The following EN1 variants were observed in gnomAD, a reference collection of about 807,000 sequenced individuals.
EN1 encodes homeobox protein engrailed-1.
EN1 carries 8 observed loss-of-function variants against 22.9 expected under a neutral mutation model. The observed-to-expected ratio is 0.35, with a 90% CI of 0.20 to 0.63. The LOEUF (loss-of-function observed/expected upper bound fraction) is 0.63. EN1 is among the 20% of genes least tolerant of loss of function. The probability of loss-of-function intolerance (pLI) is 0.73; values close to 1 mark genes in which losing one functional copy is unlikely to be tolerated. For synonymous variants in EN1, 287 were observed against 262.5 expected (o/e 1.09, Z -0.90); for missense variants, 521 against 572.1 (o/e 0.91, Z 0.91).
chr2:118,846,886 C>G lies in EN1; in HGVS notation c.282G>C (p.Gln94His), dbSNP rs1461691468. 3.5e-6 allele frequency: 5 copies of G among 1,419,390 alleles called. No individual in the cohort carries two copies. Among genetic ancestry groups the G allele is most frequent in the Non-Finnish European group, 4.7e-6 (5 of 1,072,302 alleles). 87.9% of individuals were successfully genotyped at this position (1,419,390 alleles called of 1,614,324 possible). A position where few individuals can be genotyped will look rare whatever the true frequency, so the allele number is the denominator to read the frequency against. ...TGGTGCGGTGCAGCTGGGCCGCTGG[C>G]TGCGGCTGGTGAGCAGGCGCCGCGA... ...QHLAAPAHQP[Q>H]PAAQLHRTTN... The change falls in exon 1 of 2, where the codon CAG becomes CAC. Residue 94 changes from glutamine (Q) to histidine (H), a missense_variant. Gln to His is a conservative substitution (Grantham distance 24). Transcript: ENST00000295206. This position sits in a 1 kb window ranked among gnomAD's most constrained non-coding sequence, Gnocchi z 5.0.
chr2:118,843,379 G>A (rs2104609646), intron 1 of EN1, 125 bp from the exon 2 acceptor site: 3 of 866,256 alleles, frequency 3.5e-6, no homozygotes, highest in Admixed American at 2.7e-5. Context: ...CCGCGCTTCC[G>A]GGGCGATCTC....
chr2:118,847,447 T>C lies in EN1; in HGVS notation c.-280A>G, dbSNP rs888137661. ...TTCTTTTTTCTTTCTGCAACCAGAT[T>C]CAATGATTTGATTTAAATGGGGAGT... On this transcript the variant is annotated 5_prime_UTR_variant, in exon 1 of 2. Transcript: ENST00000295206. 2.6e-5 allele frequency: 8 copies of C among 302,826 alleles called. No homozygotes were observed. The highest frequency in any genetic ancestry group is 4.8e-5 in the Non-Finnish European group (8 of 166,372). 18.8% of individuals were successfully genotyped at this position (302,826 alleles called of 1,614,324 possible). A position where few individuals can be genotyped will look rare whatever the true frequency, so the allele number is the denominator to read the frequency against.
In EN1 at chr2:118,842,933, G is replaced by A. The variant is rs1403463119; in HGVS notation, c.*5C>T. 2 of 1,599,066 alleles carry A rather than the reference G, an allele frequency of 1.3e-6. No homozygotes were observed. The highest frequency in any genetic ancestry group is 1.7e-6 in the Non-Finnish European group (2 of 1,168,872). On this transcript the variant is annotated 3_prime_UTR_variant, in exon 2 of 2. Transcript: ENST00000295206. ...GGGCGCGGGCGCGGCCCCGGCCTGTGGCGGCTACTCGCTCTCGTCTTTGTC... is the reference window on the plus strand; with the variant it reads ...GGGCGCGGGCGCGGCCCCGGCCTGTAGCGGCTACTCGCTCTCGTCTTTGTC...
At position 118,846,777 on chromosome 2, in the gene EN1, C is replaced by T; in HGVS notation, c.391G>A (p.Ala131Thr). 6.3e-7 allele frequency: 1 copy of T among 1,595,178 alleles called. No individual in the cohort carries two copies. The highest frequency in any genetic ancestry group is 8.5e-7 in the Non-Finnish European group (1 of 1,177,572). The change falls in exon 1 of 2, where the codon GCG (alanine) becomes ACG (threonine). Residue 131 changes from alanine (A) to threonine (T), a missense_variant. Physicochemically the swap from Ala to Thr is moderately conservative, Grantham distance 58. Around this residue, in one of 3 missense-constraint regions of EN1, gnomAD observed 436 missense variants for 410.1 expected, o/e 1.06. Coordinates refer to ENST00000295206, the MANE Select transcript of EN1 (RefSeq NM_001426.4). This position sits in a 1 kb window ranked among gnomAD's most constrained non-coding sequence, Gnocchi z 5.0. Reference sequence around the variant, plus strand: ...CCTCCTCCTGCGCCTCCTCTGGCCGCCGCAGCCACCAGAAGCTGCGGTGGC... The same window carrying T: ...CCTCCTCCTGCGCCTCCTCTGGCCGTCGCAGCCACCAGAAGCTGCGGTGGC... ...QPPPQLLVAAAARGGAGGGGR... is the reference protein window; with the variant it reads ...QPPPQLLVAATARGGAGGGGR...
At position 118,847,059 on chromosome 2, in the gene EN1, C is replaced by T. The variant is rs893734037; in HGVS notation, c.109G>A (p.Gly37Ser). The T allele has an allele frequency of 2.1e-6, 3 of 1,416,858 alleles. No homozygotes were observed. Among genetic ancestry groups the T allele is most frequent in the Non-Finnish European group, 2.8e-6 (3 of 1,087,550 alleles). The allele number at this position is 1,416,858 out of a possible 1,614,324, so 87.8% of individuals were successfully genotyped here. ...LSLSLSPGAS[G>S]SSGSGSDGDS... ...CCATCGCTGCCGCTGCCGCTGCTGCCGCTGGCGCCCGGACTGAGGCTCAGG... is the reference window on the plus strand; with the variant it reads ...CCATCGCTGCCGCTGCCGCTGCTGCTGCTGGCGCCCGGACTGAGGCTCAGG... Residue 37 changes from glycine to serine, a missense_variant, in exon 1 of 2, where the codon GGC (glycine) becomes AGC (serine). This residue lies in a region of EN1 where 436 missense variants were observed against 410.1 expected (regional missense o/e 1.06). Coordinates refer to ENST00000295206, the MANE Select transcript of EN1 (RefSeq NM_001426.4).
At position 118,846,595 on chromosome 2, in the gene EN1, G is replaced by T. The variant is rs1421506296; in HGVS notation, c.573C>A (p.Gly191=). The T allele has an allele frequency of 5.1e-6, 7 of 1,384,048 alleles. No individual in the cohort carries two copies. Among genetic ancestry groups the T allele is most frequent in the Non-Finnish European group, 5.6e-6 (6 of 1,073,106 alleles). 85.7% of individuals were successfully genotyped at this position (1,384,048 alleles called of 1,614,324 possible). ...CAGCCGGGTTCCCAGCTTTAGACGC[G>T]CCCGCGCCGGCGGCGGCTGGCTGGG... ...DGSQPAAAGA[G]ASKAGNPAAA... The change falls in exon 1 of 2, where the codon GGC becomes GGA. Residue 191 remains glycine (G), a synonymous_variant. Coordinates refer to ENST00000295206, the MANE Select transcript of EN1 (RefSeq NM_001426.4). The surrounding 1 kb of genome is among the most constrained non-coding windows in gnomAD (Gnocchi z 5.0).
intron 1 of EN1, among the ~76,000 whole-genome samples, chr2:118,845,523 G>T (rs1678256075): frequency 6.6e-6 from 1 of 152,224 alleles, no homozygotes; most frequent in African/African-American, 2.4e-5. Flanking sequence ...GCGCCGCGCG[G>T]GGAGGATGCG....
rs551554258 is a variant in EN1 at position 118,842,566 on chromosome 2, G to A, written c.*372C>T. The A allele has an allele frequency of 6.4e-6, 1 of 155,508 alleles. No homozygotes were observed. The highest frequency in any genetic ancestry group is 2.0e-4 in the South Asian group (1 of 4,976). The allele number at this position is 155,508 out of a possible 1,614,324, so 9.6% of individuals were successfully genotyped here. ...AATAATTATAACAATAATAATAAAG[G>A]AGATTAATAAAAATGTCCAGCAAAT... is the stretch of plus-strand genomic sequence containing the variant. On this transcript the variant is annotated 3_prime_UTR_variant, in exon 2 of 2. Transcript: ENST00000295206.
intron 1 of EN1, chr2:118,844,415 GC>G (rs1260058132): frequency 6.6e-6 from 1 of 152,226 alleles, no homozygotes; most frequent in Admixed American, 6.5e-5. Context: ...TGGGAGGAGG[GC>G]CCACTGAGAA....
intron 1 of EN1, 94 bp from the exon 2 acceptor site, chr2:118,843,348 T>G: frequency 2.7e-6 from 3 of 1,102,832 alleles, no homozygotes; most frequent in Non-Finnish European, 2.5e-6. Context: ...AGAATAGCAT[T>G]GCCGAGCTGG....
At position 118,842,965 on chromosome 2, in the gene EN1, C is replaced by A; in HGVS notation, c.1152G>T (p.Thr384=). Residue 384 remains threonine (T), a synonymous_variant, in exon 2 of 2, where the codon ACG becomes ACT. Transcript: ENST00000295206. ...AQGLYNHSTT[T]VQDKDESE ...ACTCGCTCTCGTCTTTGTCCTGGAC[C>A]GTGGTGGTGGAGTGGTTGTACAGTC... 1.2e-6 allele frequency: 2 copies of A among 1,613,848 alleles called. No homozygotes were observed. The highest frequency in any genetic ancestry group is 2.2e-5 in the South Asian group (2 of 91,076).
At chr2:118,845,577 G>GC (rs1678256968) in intron 1 of EN1, among the ~76,000 whole-genome samples, 2 of 152,344 alleles carry the variant, frequency 1.3e-5, no homozygotes, top group South Asian at 4.1e-4. Context: ...TGGCTCTCAT[G>GC]CCCTTGGACA....
intron 1 of EN1, among the ~76,000 whole-genome samples, chr2:118,845,686 C>T (rs1678258556): frequency 6.6e-6 from 1 of 152,168 alleles, no homozygotes; most frequent in Non-Finnish European, 1.5e-5. Context: ...TTGGCAACTG[C>T]CTTTCCCTGG....
Position 118,846,941 on chromosome 2 carries a change from G to GT in EN1, c.226_227insA (p.Pro76HisfsTer70). On this transcript the variant is annotated frameshift_variant, in exon 1 of 2. Transcript: ENST00000295206. LOFTEE classifies it high-confidence loss of function. This position sits in a 1 kb window ranked among gnomAD's most constrained non-coding sequence, Gnocchi z 5.0. Reference sequence around the variant, plus strand: ...CTGAGGCGGCGGGGGCGGGGGGTGTGGGGGGAGGTGCGGGTGGTGGGCCAG... The same window carrying GT: ...CTGAGGCGGCGGGGGCGGGGGGTGTGTGGGGGAGGTGCGGGTGGTGGGCCAG... The GT allele has an allele frequency of 6.8e-7, 1 of 1,478,104 alleles. No homozygotes were observed. The allele number at this position is 1,478,104 out of a possible 1,614,324, so 91.6% of individuals were successfully genotyped here.
chr2:118,845,437 G>T lies in EN1; in HGVS notation c.862+869C>A, dbSNP rs554332796. On this transcript the variant is annotated intron_variant, in intron 1 of 1. Transcript: ENST00000295206. ...CCAAGCGCGAGGGGCACACGGAAAAGTGGTGGAAGGAAAGCCGAGAAAAAC... is the reference window on the plus strand; with the variant it reads ...CCAAGCGCGAGGGGCACACGGAAAATTGGTGGAAGGAAAGCCGAGAAAAAC... Among the ~76,000 whole-genome samples, 62 of 152,364 alleles carry T rather than the reference G, an allele frequency of 4.1e-4. 1 individual carries two copies. In the South Asian group the frequency reaches 0.013, roughly 31 times the overall value.
In EN1 at chr2:118,847,301, G is replaced by A; in HGVS notation, c.-134C>T. On this transcript the variant is annotated 5_prime_UTR_variant, in exon 1 of 2. Transcript: ENST00000295206. ...GGCGAAGCCTCAGCGAAGGCACGGG[G>A]CGGGTGCAGGAAAAAAGCTCAGGCG... 2.5e-6 allele frequency: 1 copy of A among 407,348 alleles called. No homozygotes were observed. The highest frequency in any genetic ancestry group is 4.3e-6 in the Non-Finnish European group (1 of 232,894). The allele number at this position is 407,348 out of a possible 1,614,324, so 25.2% of individuals were successfully genotyped here.
chr2:118,842,947 C>G lies in EN1; in HGVS notation c.1170G>C (p.Glu390Asp). Residue 390 changes from glutamate (E) to aspartate (D), a missense_variant, in exon 2 of 2, where the codon GAG (glutamate) becomes GAC (aspartate). Physicochemically the swap from Glu to Asp is conservative, Grantham distance 45 (BLOSUM62 2). Around this residue, in one of 3 missense-constraint regions of EN1, gnomAD observed 35 missense variants for 40.2 expected, o/e 0.87. Transcript: ENST00000295206. ...HSTTTVQDKD[E>D]SE ...CCCCGGCCTGTGGCGGCTACTCGCT[C>G]TCGTCTTTGTCCTGGACCGTGGTGG... is the stretch of plus-strand genomic sequence containing the variant. 1 of 1,601,266 alleles carries G rather than the reference C, an allele frequency of 6.2e-7. No homozygotes were observed. The highest frequency in any genetic ancestry group is 8.5e-7 in the Non-Finnish European group (1 of 1,169,672).
Position 118,846,574 on chromosome 2 carries a change from C to A in EN1, c.594G>T (p.Pro198=). Residue 198 remains proline (P), a synonymous_variant, in exon 1 of 2, where the codon CCG becomes CCT. Transcript: ENST00000295206. This position sits in a 1 kb window ranked among gnomAD's most constrained non-coding sequence, Gnocchi z 5.0. ...AGAGASKAGN[P]AAAAAAAAAA... Reference sequence around the variant, plus strand: ...CCGCGGCCGCCGCCGCCGCCGCAGCCGGGTTCCCAGCTTTAGACGCGCCCG... The same window carrying A: ...CCGCGGCCGCCGCCGCCGCCGCAGCAGGGTTCCCAGCTTTAGACGCGCCCG... The A allele has an allele frequency of 1.6e-6, 2 of 1,230,922 alleles. No individual in the cohort carries two copies. The highest frequency in any genetic ancestry group is 2.0e-6 in the Non-Finnish European group (2 of 989,414). The allele number at this position is 1,230,922 out of a possible 1,614,324, so 76.2% of individuals were successfully genotyped here.
rs775091322 is a variant in EN1, at chr2:118,846,872, A to G, written c.296T>C (p.Leu99Pro). The change falls in exon 1 of 2, where the codon CTG (leucine) becomes CCG (proline). Residue 99 changes from leucine to proline, a missense_variant. Around this residue, in one of 3 missense-constraint regions of EN1, gnomAD observed 436 missense variants for 410.1 expected, o/e 1.06. Coordinates refer to ENST00000295206, the MANE Select transcript of EN1 (RefSeq NM_001426.4). The surrounding 1 kb of genome is among the most constrained non-coding windows in gnomAD (Gnocchi z 5.0). ...GATGAAAAAGTTGGTGGTGCGGTGC[A>G]GCTGGGCCGCTGGCTGCGGCTGGTG... Reference protein sequence around the residue: ...PAHQPQPAAQLHRTTNFFIDN... With the variant: ...PAHQPQPAAQPHRTTNFFIDN... The G allele has an allele frequency of 1.3e-6, 2 of 1,513,586 alleles. No individual in the cohort carries two copies. Among genetic ancestry groups the G allele is most frequent in the African/African-American group, 1.4e-5 (1 of 70,162 alleles). The allele number at this position is 1,513,586 out of a possible 1,614,324, so 93.8% of individuals were successfully genotyped here.
Sources: allele counts gnomAD v4.1 joint callset (sites outside exome capture counted in the v4.1 genomes callset), GRCh38; gene constraint gnomAD v4.1.1; regional missense constraint gnomAD v4.1.1; non-coding constraint Gnocchi (gnomAD v3.1); transcripts MANE v1.5; gene names NCBI Gene and HGNC (gene_info 2026-07-23, HGNC 2026-07-21).